The following CADPS2 variants were observed in gnomAD, a reference collection of about 807,000 sequenced individuals.
CADPS2 encodes calcium-dependent secretion activator 2.
Under a neutral mutation model 172.5 loss-of-function variants are expected in CADPS2, and 93 were observed. The observed-to-expected ratio is 0.54, with a 90% CI of 0.46 to 0.64. The LOEUF (loss-of-function observed/expected upper bound fraction) is 0.64, where lower values mean the gene tolerates loss of function less well. Ranked by LOEUF, CADPS2 falls within the 30% of genes least tolerant of loss-of-function variation. The probability of loss-of-function intolerance (pLI) is 0.00; values close to 1 mark genes in which losing one functional copy is unlikely to be tolerated. For synonymous variants in CADPS2, 546 were observed against 555.2 expected (o/e 0.98, Z 0.23); for missense variants, 1,420 against 1,565.9 (o/e 0.91, Z 1.57).
chr7:122,438,442 G>A lies in CADPS2; in HGVS notation c.2375C>T (p.Thr792Ile). 6.2e-7 allele frequency: 1 copy of A among 1,612,900 alleles called. No individual in the cohort carries two copies. Among genetic ancestry groups the A allele is most frequent in the Non-Finnish European group, 8.5e-7 (1 of 1,179,296 alleles). The change falls in exon 17 of 30, where the codon ACT (threonine) becomes ATT (isoleucine). Residue 792 changes from threonine (T) to isoleucine (I), a missense_variant. Physicochemically the swap from Thr to Ile is moderately conservative, Grantham distance 89. Coordinates refer to ENST00000449022, the MANE Select transcript of CADPS2 (RefSeq NM_017954.11). ...LERVLMKDIA[T>I]PIPAEEVKKV... ...CTTCACCTCTTCTGCTGGTATGGGAGTGGCAATATCTTTCATTAAAACCTA... is the reference window on the plus strand; with the variant it reads ...CTTCACCTCTTCTGCTGGTATGGGAATGGCAATATCTTTCATTAAAACCTA...
chr7:122,841,574 C>G (rs530055986), intron 1 of CADPS2, among the ~76,000 whole-genome samples: 1 of 152,128 alleles, frequency 6.6e-6, no homozygotes, highest in Non-Finnish European at 1.5e-5. Context: ...CTGAGCATTT[C>G]TTAGGTTTCT....
chr7:122,805,849 G>A (rs1798685855), intron 1 of CADPS2, among the ~76,000 whole-genome samples: 1 of 152,168 alleles, frequency 6.6e-6, no homozygotes, highest in Non-Finnish European at 1.5e-5. Flanking sequence ...ATTTGCTACA[G>A]CCCTGTGAAT....
At chr7:122,717,936 G>A (rs1197986465) in intron 2 of CADPS2, among the ~76,000 whole-genome samples, 3 of 144,614 alleles carry the variant, frequency 2.1e-5, no homozygotes, top group African/African-American at 5.1e-5. Context: ...AGCCTCCCGA[G>A]TTGCTGGTAC....
chr7:122,639,845 T>C (rs1314630237), intron 3 of CADPS2, among the ~76,000 whole-genome samples: 1 of 152,164 alleles, frequency 6.6e-6, no homozygotes, highest in Non-Finnish European at 1.5e-5. Flanking sequence ...CTCTTCTCAA[T>C]CTAAATATTC....
At chr7:122,555,403 C>A (rs1479991732) in intron 7 of CADPS2, among the ~76,000 whole-genome samples, 1 of 152,012 alleles carries the variant, frequency 6.6e-6, no homozygotes, top group African/African-American at 2.4e-5. Flanking sequence ...GTATTCTCCC[C>A]CTTTTAAAAT....
Position 122,325,601 on chromosome 7 carries a change from C to T in CADPS2, c.3613-20G>A, listed in dbSNP as rs1174827353. On this transcript the variant is annotated intron_variant, in intron 28 of 29. Transcript: ENST00000449022. ...CCATTGCTAGAAGGGAGAATTGGGGCACAGGGGAGGAGAACAAAAAAAGAA... is the reference window on the plus strand; with the variant it reads ...CCATTGCTAGAAGGGAGAATTGGGGTACAGGGGAGGAGAACAAAAAAAGAA... 4.0e-6 allele frequency: 6 copies of T among 1,517,494 alleles called. No individual in the cohort carries two copies. Among genetic ancestry groups the T allele is most frequent in the Admixed American group, 1.7e-5 (1 of 57,350 alleles). 94.0% of individuals were successfully genotyped at this position (1,517,494 alleles called of 1,614,324 possible).
intron 5 of CADPS2, among the ~76,000 whole-genome samples, chr7:122,619,113 AT>A (rs2133946375): frequency 6.6e-6 from 1 of 152,300 alleles, no homozygotes; most frequent in South Asian, 2.1e-4. Context: ...ACAATTCATA[AT>A]TTCACTTAAA....
chr7:122,627,842 A>G (rs1316638314), intron 4 of CADPS2, among the ~76,000 whole-genome samples: 1 of 152,162 alleles, frequency 6.6e-6, no homozygotes, highest in Non-Finnish European at 1.5e-5. Flanking sequence ...GCCAGGCTCA[A>G]TACAGGATAG....
chr7:122,552,258 T>C (rs944772868), intron 8 of CADPS2, among the ~76,000 whole-genome samples: 1 of 152,266 alleles, frequency 6.6e-6, no homozygotes, highest in East Asian at 1.9e-4. Flanking sequence ...ACAGATAATT[T>C]TCAGTTCTAA....
chr7:122,582,557 G>C (rs948316266), intron 6 of CADPS2, among the ~76,000 whole-genome samples: 2 of 151,900 alleles, frequency 1.3e-5, no homozygotes, highest in African/African-American at 4.8e-5. Context: ...ATATAATTAA[G>C]ATGGTTTACA....
At chr7:122,795,163 A>G (rs897569386) in intron 1 of CADPS2, among the ~76,000 whole-genome samples, 1 of 152,136 alleles carries the variant, frequency 6.6e-6, no homozygotes, top group Admixed American at 6.6e-5. Context: ...AAAAAATTCA[A>G]AAGATCAACA....
intron 2 of CADPS2, among the ~76,000 whole-genome samples, chr7:122,671,501 A>AG (rs1231547704): frequency 6.6e-6 from 1 of 152,124 alleles, no homozygotes; most frequent in Non-Finnish European, 1.5e-5. Context: ...GGCCAAGCCT[A>AG]GGAGTTAAGA....
chr7:122,698,899 C>G, intron 2 of CADPS2: 1 of 1,594,194 alleles, frequency 6.3e-7, no homozygotes, highest in Non-Finnish European at 8.5e-7. Context: ...TCTCCAAGTG[C>G]CAACCTTGAG....
intron 17 of CADPS2, among the ~76,000 whole-genome samples, chr7:122,432,762 A>C (rs2050128342): frequency 6.6e-6 from 1 of 151,952 alleles, no homozygotes; most frequent in Non-Finnish European, 1.5e-5. Flanking sequence ...AGAGGGTATA[A>C]ACTGAGGAAA....
chr7:122,706,318 ATATATATG>A (rs1356433911), intron 2 of CADPS2, among the ~76,000 whole-genome samples: 4 of 36,378 alleles, frequency 1.1e-4, no homozygotes, highest in Non-Finnish European at 1.8e-4. Context: ...CAAGGAATAT[ATATATATG>A]CTTATATATT....
chr7:122,849,954 C>A (rs1813069885), intron 1 of CADPS2: 1 of 547,484 alleles, frequency 1.8e-6, no homozygotes, highest in Non-Finnish European at 3.2e-6. Flanking sequence ...CCAGTACTAG[C>A]CCCAGGCTTT....
intron 8 of CADPS2, 102 bp from the exon 9 acceptor site, chr7:122,513,417 G>T: frequency 1.1e-6 from 1 of 890,244 alleles, no homozygotes; most frequent in Non-Finnish European, 1.7e-6. Context: ...AGACCAGCCT[G>T]CTAAAGGCAA....
At chr7:122,437,281 T>C (rs187089789) in intron 17 of CADPS2, among the ~76,000 whole-genome samples, 76 of 152,228 alleles carry the variant, frequency 5.0e-4, no homozygotes, top group Non-Finnish European at 4.4e-5. Flanking sequence ...TGATATAATG[T>C]TGGTTGTTAT....
At chr7:122,463,237 A>G (rs565373761) in intron 14 of CADPS2, among the ~76,000 whole-genome samples, 2 of 152,354 alleles carry the variant, frequency 1.3e-5, no homozygotes, top group African/African-American at 4.8e-5. Flanking sequence ...AAGAATTGGT[A>G]TCACACAGAT....
Sources: gnomAD v4.1 joint callset for allele counts (sites outside exome capture counted in the v4.1 genomes callset) on GRCh38, gnomAD v4.1.1 for gene constraint, MANE v1.5 for transcripts, NCBI Gene and HGNC (gene_info 2026-07-23, HGNC 2026-07-21) for gene names.